The following ATM variants were observed in gnomAD, a reference collection of about 807,000 sequenced individuals.
ATM encodes ATM serine/threonine kinase.
Under a neutral mutation model 387.0 loss-of-function variants are expected in ATM, and 308 were observed. The ratio of observed to expected loss-of-function variants is 0.80; its 90% CI spans 0.73 to 0.87. ATM has a LOEUF of 0.87. ATM is among the 40% of genes least tolerant of loss of function. The pLI is 0.00. For missense variants in ATM, 3,312 were observed against 3,560.9 expected (o/e 0.93, Z 1.78); for synonymous variants, 1,156 against 1,187.3 (o/e 0.97, Z 0.54).
rs536085409 is a variant in ATM, at chr11:108,364,329, T to G, written c.8851-753T>G. Among the ~76,000 whole-genome samples, 18 of 152,338 alleles carry G rather than the reference T, an allele frequency of 1.2e-4. No individual in the cohort carries two copies. The South Asian group carries it at 3.3e-3, about 28-fold the overall frequency. ...TTGCTAAAGCCTATTTTTTTTAAAG[T>G]TCTGTGTTTATAAATACCAGAGCAG... On this transcript the variant is annotated intron_variant, in intron 61 of 62. Transcript: ENST00000675843.
At position 108,345,895 on chromosome 11, in the gene ATM, T is replaced by A. The variant is rs786203050; in HGVS notation, c.8571T>A (p.Ala2857=). 1 of 1,613,714 alleles carries A rather than the reference T, an allele frequency of 6.2e-7. No homozygotes were observed. The highest frequency in any genetic ancestry group is 1.1e-5 in the South Asian group (1 of 91,072). Residue 2857 remains alanine (A), a synonymous_variant, in exon 58 of 63, where the codon GCT becomes GCA. Coordinates refer to ENST00000675843, the MANE Select transcript of ATM (RefSeq NM_000051.4). ...EKRLAYTRSV[A]TSSIVGYILG... ...GATTGGCTTATACGCGCAGTGTAGC[T>A]ACTTCTTCTATTGGTAATCTTCTTG...
Position 108,244,863 on chromosome 11 carries a change from C to G in ATM, c.738C>G (p.Asn246Lys), listed in dbSNP as rs1335108218. The change falls in exon 7 of 63, where the codon AAC (asparagine) becomes AAG (lysine). Residue 246 changes from asparagine to lysine, a missense_variant. Asn to Lys is a moderately conservative substitution (Grantham distance 94, BLOSUM62 0). Coordinates refer to ENST00000675843, the MANE Select transcript of ATM (RefSeq NM_000051.4). ...TCTTCCTCAAGACTTTGGCTGTCAA[C>G]TTTCGAATTCGAGTGTGTGAATTAG... is the stretch of plus-strand genomic sequence containing the variant. Reference protein sequence around the residue: ...LTIFLKTLAVNFRIRVCELGD... With the variant: ...LTIFLKTLAVKFRIRVCELGD... 6.2e-7 allele frequency: 1 copy of G among 1,613,758 alleles called. No homozygotes were observed. Among genetic ancestry groups the G allele is most frequent in the East Asian group, 2.2e-5 (1 of 44,832 alleles).
chr11:108,302,288 G>C (rs2083471735), intron 35 of ATM, among the ~76,000 whole-genome samples: 1 of 152,026 alleles, frequency 6.6e-6, no homozygotes, highest in African/African-American at 2.4e-5. Context: ...TCCTTCCTTA[G>C]TCTAAGCATT....
rs1060501685 is a variant in ATM, at chr11:108,227,892, T to A, written c.185+4T>A. 1 of 1,601,168 alleles carries A rather than the reference T, an allele frequency of 6.2e-7. No homozygotes were observed. Among genetic ancestry groups the A allele is most frequent in the Non-Finnish European group, 8.5e-7 (1 of 1,170,558 alleles). ...TGAATTGGGATGCTGTTTTTAGGTA[T>A]TCTATTCAAATTTATTTTACTGTCT... On this transcript the variant is annotated splice_donor_region_variant and intron_variant, in intron 3 of 62. Transcript: ENST00000675843.
At chr11:108,276,992 G>T (rs1263618686) in intron 22 of ATM, among the ~76,000 whole-genome samples, 29 of 152,168 alleles carry the variant, frequency 1.9e-4, no homozygotes, top group Admixed American at 1.9e-3. Context: ...GGTGCTCTGT[G>T]TCAGGGAGAT....
In ATM at chr11:108,254,031, T is replaced by C. The variant is rs536609092; in HGVS notation, c.2116T>C (p.Ser706Pro). 3 of 1,613,474 alleles carry C rather than the reference T, an allele frequency of 1.9e-6. No homozygotes were observed. The highest frequency in any genetic ancestry group is 2.5e-6 in the Non-Finnish European group (3 of 1,179,842). ...GLSEQLLNNY[S>P]SEITNSETLV... ...ATCAGAACAGCTTCTGAATAATTAC[T>C]CATCTGAGGTGAGATTTTTTAAAAA... The change falls in exon 13 of 63, where the codon TCA becomes CCA. Residue 706 changes from serine (S) to proline (P), a missense_variant. Physicochemically the swap from Ser to Pro is moderately conservative, Grantham distance 74 (BLOSUM62 -1). Transcript: ENST00000675843.
intron 56 of ATM, 65 bp downstream of exon 56, chr11:108,336,026 G>A (rs2086813935): frequency 8.0e-7 from 1 of 1,255,378 alleles, no homozygotes; most frequent in Admixed American, 1.7e-5. Context: ...GTTGGGTGAA[G>A]TGGCTCATGC....
Position 108,253,691 on chromosome 11 carries a change from A to G in ATM, c.1899-123A>G, listed in dbSNP as rs55744559. ...TTTAAAAGAATAATCTATTAATTAT[A>G]TAAGTAGTCTTTGAATGATGTAGAT... On this transcript the variant is annotated intron_variant, in intron 12 of 62. Transcript: ENST00000675843. 2.5e-4 allele frequency: 155 copies of G among 630,974 alleles called. 1 individual carries two copies. The highest frequency in any genetic ancestry group is 1.7e-3 in the Middle Eastern group (4 of 2,314). 39.1% of individuals were successfully genotyped at this position (630,974 alleles called of 1,614,324 possible). A position where few individuals can be genotyped will look rare whatever the true frequency, so the allele number is the denominator to read the frequency against.
intron 54 of ATM, 43 bp downstream of exon 54, chr11:108,334,011 T>G: frequency 6.9e-7 from 1 of 1,452,868 alleles, no homozygotes; most frequent in Non-Finnish European, 9.7e-7. Context: ...ACTAAATTTT[T>G]TTTATTAGAT....
Position 108,275,036 on chromosome 11 carries a change from G to C in ATM, c.3284+2184G>C, listed in dbSNP as rs182181508. Among the ~76,000 whole-genome samples, 109 of 152,282 alleles carry C rather than the reference G, an allele frequency of 7.2e-4. 1 individual carries two copies. Among genetic ancestry groups the C allele is most frequent in the African/African-American group, 2.5e-3 (103 of 41,558 alleles). On this transcript the variant is annotated intron_variant, in intron 22 of 62. Transcript: ENST00000675843. Reference sequence around the variant, plus strand: ...TCGTAGGTCTAAGAACTTGCTTTATGAATCTGGGTGCTCCTGTATTGGGTG... The same window carrying C: ...TCGTAGGTCTAAGAACTTGCTTTATCAATCTGGGTGCTCCTGTATTGGGTG...
chr11:108,284,817 C>T (rs940393291), intron 26 of ATM, among the ~76,000 whole-genome samples: 1 of 151,992 alleles, frequency 6.6e-6, no homozygotes, highest in Non-Finnish European at 1.5e-5. Flanking sequence ...AGAAAACCTT[C>T]ACTCCCTCTT....
chr11:108,313,631 C>T (rs972690525), intron 40 of ATM, among the ~76,000 whole-genome samples: 5 of 152,166 alleles, frequency 3.3e-5, no homozygotes, highest in Admixed American at 1.3e-4. Flanking sequence ...TTCATAGGCT[C>T]CTCCTCTCTA....
At chr11:108,290,310 T>C (rs2082715322) in intron 29 of ATM, 1 of 152,148 alleles carries the variant, frequency 6.6e-6, no homozygotes, top group Non-Finnish European at 1.5e-5. Context: ...GCAGACCTCG[T>C]TTCTACTAAA....
chr11:108,368,899 C>T lies in ATM; in HGVS notation c.*3391C>T. On this transcript the variant is annotated 3_prime_UTR_variant, in exon 63 of 63. Transcript: ENST00000675843. ...AAAAGCAAAGAGGAAAAACTTTGGACAGCGTAAAGACTAGAATAGTCTTTT... is the reference window on the plus strand; with the variant it reads ...AAAAGCAAAGAGGAAAAACTTTGGATAGCGTAAAGACTAGAATAGTCTTTT... 5.0e-6 allele frequency: 1 copy of T among 199,802 alleles called. No individual in the cohort carries two copies. The highest frequency in any genetic ancestry group is 1.0e-5 in the Non-Finnish European group (1 of 96,802). 12.4% of individuals were successfully genotyped at this position (199,802 alleles called of 1,614,324 possible). A position where few individuals can be genotyped will look rare whatever the true frequency, so the allele number is the denominator to read the frequency against.
At chr11:108,345,197 C>T (rs1164194737) in intron 57 of ATM, among the ~76,000 whole-genome samples, 3 of 152,128 alleles carry the variant, frequency 2.0e-5, no homozygotes, top group African/African-American at 7.2e-5. Flanking sequence ...TTGAGAAGCA[C>T]ATTAAGCTAA....
intron 1 of ATM, 100 bp from the exon 2 acceptor site, chr11:108,227,495 C>T: frequency 1.4e-6 from 1 of 728,080 alleles, no homozygotes; most frequent in South Asian, 1.7e-5. Flanking sequence ...ATAAATACTG[C>T]AGTATAAAAT....
Position 108,235,837 on chromosome 11 carries a change from A to G in ATM, c.496+3A>G, listed in dbSNP as rs876658311. The stretch of plus-strand genomic sequence containing the variant: ...AATATCTCAGCAACAGTGGTTAGGT[A>G]TGTTTTGAAGGTTGTTGTTTGTGAA... On this transcript the variant is annotated splice_donor_region_variant and intron_variant, in intron 5 of 62. Transcript: ENST00000675843. 2.5e-6 allele frequency: 4 copies of G among 1,613,634 alleles called. No homozygotes were observed. Among genetic ancestry groups the G allele is most frequent in the Middle Eastern group, 1.6e-4 (1 of 6,078 alleles).
intron 56 of ATM, among the ~76,000 whole-genome samples, chr11:108,337,346 CTAAT>C (rs1338846227): frequency 1.3e-5 from 2 of 152,142 alleles, no homozygotes; most frequent in African/African-American, 2.4e-5. Context: ...GTTTAAAAAG[CTAAT>C]TAATCCTCGA....
intron 56 of ATM, among the ~76,000 whole-genome samples, chr11:108,341,383 C>T (rs2087556612): frequency 6.6e-6 from 1 of 152,058 alleles, no homozygotes; most frequent in Admixed American, 6.6e-5. Context: ...TTCTCTTATA[C>T]TTATTATCTA....
Sources: gnomAD v4.1 joint callset for allele counts (sites outside exome capture counted in the v4.1 genomes callset) on GRCh38, gnomAD v4.1.1 for gene constraint, MANE v1.5 for transcripts, NCBI Gene and HGNC (gene_info 2026-07-23, HGNC 2026-07-21) for gene names.